Variants in PGR observed in about 807,000 individuals in gnomAD.
The protein encoded by PGR is progesterone receptor, also known as nuclear receptor subfamily 3 group C member 3.
In PGR, 25 loss-of-function variants were observed where a neutral mutation model predicts 76.1. That is an observed-to-expected ratio of 0.33 (90% CI 0.24 to 0.46). PGR has a LOEUF of 0.46. Among genes scored for constraint, PGR ranks in the 20% least tolerant of loss-of-function variants. The pLI is 1.00. For synonymous variants in PGR, 579 were observed against 535.0 expected, an observed-to-expected ratio of 1.08 and a Z score of -1.14; for missense variants, 1,172 against 1,225.3, an observed-to-expected ratio of 0.96 and a Z score of 0.65.
intron 1 of PGR, chr11:101,126,865 T>C (rs1862854566): frequency 6.6e-6 from 1 of 152,648 alleles, no homozygotes; most frequent in African/African-American, 2.4e-5. Context: ...GTGAACTTAA[T>C]TTTAATCTTG....
At chr11:101,060,414 T>C (rs1860450334) in intron 4 of PGR, among the ~76,000 whole-genome samples, 1 of 152,210 alleles carries the variant, frequency 6.6e-6, no homozygotes, top group African/African-American at 2.4e-5. Flanking sequence ...CTTGTGGCTT[T>C]TCTTTCTAAA....
chr11:101,093,326 T>TTA (rs1555058027), intron 2 of PGR, among the ~76,000 whole-genome samples: 4 of 151,898 alleles, frequency 2.6e-5, no homozygotes, highest in African/African-American at 9.7e-5. Flanking sequence ...TTTTTTTTTT[T>TTA]ACCACAAGTT....
chr11:101,118,333 A>G (rs1591430623), intron 2 of PGR, among the ~76,000 whole-genome samples: 2 of 152,312 alleles, frequency 1.3e-5, no homozygotes, highest in East Asian at 3.9e-4. Context: ...AATGATAACC[A>G]TTATTTTTAC....
intron 3 of PGR, among the ~76,000 whole-genome samples, chr11:101,064,399 G>T (rs1229751986): frequency 7.6e-6 from 1 of 131,142 alleles, no homozygotes; most frequent in Non-Finnish European, 1.6e-5. Flanking sequence ...GCTAAAACTT[G>T]TAGGAGATGG....
intron 3 of PGR, among the ~76,000 whole-genome samples, chr11:101,071,019 C>G (rs531255041): frequency 2.6e-4 from 40 of 152,286 alleles, no homozygotes; most frequent in African/African-American, 8.7e-4. Flanking sequence ...CCCTGTGCCT[C>G]CTGACTGGGA....
At chr11:101,076,473 T>A (rs1861131970) in intron 3 of PGR, among the ~76,000 whole-genome samples, 1 of 151,822 alleles carries the variant, frequency 6.6e-6, no homozygotes. Flanking sequence ...AATAAAAAAT[T>A]TGAAATAAAT....
intron 3 of PGR, among the ~76,000 whole-genome samples, chr11:101,076,238 T>C (rs1861124353): frequency 6.6e-6 from 1 of 150,712 alleles, no homozygotes. Context: ...AAACACTGCA[T>C]GTTCTCTCAT....
At position 101,128,870 on chromosome 11, in the gene PGR, C is replaced by T. The variant is rs1862996462; in HGVS notation, c.201G>A (p.Gln67=). ...CCTGCGTCTTTTCGTCGGAGGGGTC[C>T]TGTCCCTGGCAGGGCCGAGGGAAGA... The part of the protein sequence containing the change: ...GLLFPRPCQG[Q]DPSDEKTQDQ... Residue 67 remains glutamine, a synonymous_variant, in exon 1 of 8, where the codon CAG becomes CAA. Coordinates refer to ENST00000325455, the MANE Select transcript of PGR (RefSeq NM_000926.4). 6.2e-7 allele frequency: 1 copy of T among 1,614,016 alleles called. No homozygotes were observed. The highest frequency in any genetic ancestry group is 8.5e-7 in the Non-Finnish European group (1 of 1,180,044).
At chr11:101,044,762 A>G (rs1173939861) in intron 6 of PGR, among the ~76,000 whole-genome samples, 4 of 131,388 alleles carry the variant, frequency 3.0e-5, no homozygotes, top group Admixed American at 9.2e-5. Context: ...GCTGGAGTTC[A>G]GTGGCACAAT....
intron 4 of PGR, among the ~76,000 whole-genome samples, chr11:101,054,681 C>T (rs530348898): frequency 6.6e-6 from 1 of 152,302 alleles, no homozygotes; most frequent in Non-Finnish European, 1.5e-5. Context: ...GGCTCTACCA[C>T]TTACTAACAG....
chr11:101,126,511 G>T (rs975009129), intron 1 of PGR, among the ~76,000 whole-genome samples: 1 of 152,198 alleles, frequency 6.6e-6, no homozygotes, highest in African/African-American at 2.4e-5. Flanking sequence ...CTTCCTGTCT[G>T]TATGCTGGGT....
intron 2 of PGR, among the ~76,000 whole-genome samples, chr11:101,110,606 G>C (rs1335509307): frequency 6.6e-6 from 1 of 152,162 alleles, no homozygotes; most frequent in Non-Finnish European, 1.5e-5. Context: ...AAGACGCTGT[G>C]AGCATTGTTG....
intron 2 of PGR, among the ~76,000 whole-genome samples, chr11:101,104,790 CT>C (rs1274391918): frequency 3.3e-5 from 5 of 150,944 alleles, no homozygotes; most frequent in African/African-American, 1.2e-4. Context: ...TTTTTCTTTT[CT>C]TTTTTTTTCA....
chr11:101,081,008 C>T (rs913161111), intron 3 of PGR, among the ~76,000 whole-genome samples: 4 of 152,242 alleles, frequency 2.6e-5, no homozygotes, highest in African/African-American at 9.6e-5. Context: ...GAATTATTGG[C>T]ATTCCTCAGA....
intron 2 of PGR, among the ~76,000 whole-genome samples, chr11:101,101,514 G>T (rs992847498): frequency 1.3e-5 from 2 of 152,180 alleles, no homozygotes; most frequent in African/African-American, 4.8e-5. Flanking sequence ...AATAGAAATA[G>T]AGAATCATCC....
At chr11:101,060,831 C>A (rs1031290660) in intron 4 of PGR, among the ~76,000 whole-genome samples, 5 of 152,120 alleles carry the variant, frequency 3.3e-5, no homozygotes, top group African/African-American at 1.2e-4. Flanking sequence ...AAGTTGCCAC[C>A]AAATTCAATG....
Position 101,109,948 on chromosome 11 carries a change from T to A in PGR, c.1789+16059A>T, listed in dbSNP as rs180782726. Among the ~76,000 whole-genome samples the A allele has an allele frequency of 2.8e-4, 43 of 152,310 alleles. 1 individual carries two copies. The highest frequency in any genetic ancestry group is 1.0e-3 in the African/African-American group (42 of 41,568). ...TATCATTCTGAAGTTCCTAAGGCCC[T>A]TAAGAATTATGCTAAATCTACTCTG... On this transcript the variant is annotated intron_variant, in intron 2 of 7. Transcript: ENST00000325455.
At chr11:101,110,165 T>A (rs758189784) in intron 2 of PGR, among the ~76,000 whole-genome samples, 12 of 152,238 alleles carry the variant, frequency 7.9e-5, no homozygotes, top group Non-Finnish European at 1.6e-4. Context: ...CTGCAGCCCA[T>A]GGATCACTGA....
rs140297265 is a variant in PGR at position 101,089,685 on chromosome 11, G to A, written c.1906+2075C>T. Reference sequence around the variant, plus strand: ...GGTGCAAATTAGAAAGCGATTGAGGGAGAAGAGGGAGGAAGGAAAGAAGAA... The same window carrying A: ...GGTGCAAATTAGAAAGCGATTGAGGAAGAAGAGGGAGGAAGGAAAGAAGAA... On this transcript the variant is annotated intron_variant, in intron 3 of 7. Coordinates refer to ENST00000325455, the MANE Select transcript of PGR (RefSeq NM_000926.4). Among the ~76,000 whole-genome samples, 157 of 141,278 alleles carry A rather than the reference G, an allele frequency of 1.1e-3. No individual in the cohort carries two copies. In the South Asian group the frequency reaches 0.012, roughly 11 times the overall value. The allele number at this position is 141,278 out of a possible 152,430, so 92.7% of individuals were successfully genotyped here.
Sources: allele counts gnomAD v4.1 joint callset (sites outside exome capture counted in the v4.1 genomes callset), GRCh38; gene constraint gnomAD v4.1.1; transcripts MANE v1.5; gene names NCBI Gene and HGNC (gene_info 2026-07-23, HGNC 2026-07-21).